ANKS1B: variants seen among roughly 807,000 people sequenced by gnomAD.
ANKS1B encodes the protein ankyrin repeat and sterile alpha motif domain containing 1B, also known as ankyrin repeat and sterile alpha motif domain-containing protein 1B.
In ANKS1B, 36 loss-of-function variants were observed where a neutral mutation model predicts 148.3. The ratio of observed to expected loss-of-function variants is 0.24; its 90% CI spans 0.19 to 0.32. The LOEUF (loss-of-function observed/expected upper bound fraction) is 0.32, where lower values mean the gene tolerates loss of function less well. ANKS1B is among the 10% of genes least tolerant of loss of function. The pLI is 1.00. For synonymous variants in ANKS1B, 542 were observed against 560.8 expected (o/e 0.97, Z 0.47); for missense variants, 1,157 against 1,542.6 (o/e 0.75, Z 4.19).
At chr12:98,902,114 A>G (rs1487273362) in intron 17 of ANKS1B, among the ~76,000 whole-genome samples, 1 of 151,506 alleles carries the variant, frequency 6.6e-6, no homozygotes, top group Non-Finnish European at 1.5e-5. Flanking sequence ...GCAGGCTTGG[A>G]ATCCAAGGGG....
intron 17 of ANKS1B, among the ~76,000 whole-genome samples, chr12:98,862,406 T>C (rs1479686020): frequency 3.3e-5 from 5 of 152,196 alleles, no homozygotes; most frequent in South Asian, 2.1e-4. Context: ...AGCTGATCTA[T>C]GCAAAGTACT....
At chr12:99,409,406 T>A (rs2094615485) in intron 11 of ANKS1B, among the ~76,000 whole-genome samples, 1 of 151,982 alleles carries the variant, frequency 6.6e-6, no homozygotes, top group Non-Finnish European at 1.5e-5. Flanking sequence ...GGCTCAAAAA[T>A]GTGGTTGGAA....
chr12:99,062,485 T>C (rs948588787), intron 16 of ANKS1B, among the ~76,000 whole-genome samples: 2 of 152,144 alleles, frequency 1.3e-5, no homozygotes, highest in African/African-American at 2.4e-5. Context: ...AAAGAAGGAA[T>C]GGTCAGGACA....
intron 9 of ANKS1B, among the ~76,000 whole-genome samples, chr12:99,555,015 C>A (rs1311323432): frequency 6.6e-6 from 1 of 152,042 alleles, no homozygotes; most frequent in Non-Finnish European, 1.5e-5. Context: ...TATGTTGCTG[C>A]AAAAGACATG....
chr12:99,559,238 G>T (rs1352506737), intron 9 of ANKS1B, among the ~76,000 whole-genome samples: 1 of 152,122 alleles, frequency 6.6e-6, no homozygotes, highest in Admixed American at 6.5e-5. Flanking sequence ...TTTTGGCTCA[G>T]ATCAGAAATT....
chr12:99,441,698 C>T (rs927415403), intron 11 of ANKS1B, among the ~76,000 whole-genome samples: 9 of 151,854 alleles, frequency 5.9e-5, no homozygotes, highest in African/African-American at 1.7e-4. Context: ...CTCCTTAAAG[C>T]ATTGTTATAA....
intron 17 of ANKS1B, among the ~76,000 whole-genome samples, chr12:99,004,535 C>T (rs2099934984): frequency 6.6e-6 from 1 of 151,986 alleles, no homozygotes; most frequent in Non-Finnish European, 1.5e-5. Flanking sequence ...GGCTTCAACC[C>T]AAGGCAACCC....
At chr12:98,969,175 T>C (rs1327920596) in intron 17 of ANKS1B, among the ~76,000 whole-genome samples, 1 of 152,178 alleles carries the variant, frequency 6.6e-6, no homozygotes, top group East Asian at 1.9e-4. Context: ...CTGACTTAGA[T>C]GGGAGTACAG....
chr12:99,498,848 A>T (rs2096629034), intron 10 of ANKS1B, among the ~76,000 whole-genome samples: 1 of 152,232 alleles, frequency 6.6e-6, no homozygotes, highest in Non-Finnish European at 1.5e-5. Context: ...CAAAGGGAAT[A>T]CATCAGTAAC....
At chr12:99,363,722 A>G (rs1446338750) in intron 12 of ANKS1B, among the ~76,000 whole-genome samples, 6 of 152,176 alleles carry the variant, frequency 3.9e-5, no homozygotes, top group Non-Finnish European at 5.9e-5. Context: ...TTTAATTCCA[A>G]TAGGATAATA....
chr12:99,618,978 TAGA>T (rs781363919), intron 9 of ANKS1B, among the ~76,000 whole-genome samples: 32 of 152,146 alleles, frequency 2.1e-4, no homozygotes, highest in African/African-American at 7.7e-4. Flanking sequence ...AACCCTGTGG[TAGA>T]AGGAGAGCTG....
intron 9 of ANKS1B, among the ~76,000 whole-genome samples, chr12:99,537,268 G>A (rs2097079728): frequency 6.6e-6 from 1 of 152,082 alleles, no homozygotes; most frequent in Admixed American, 6.6e-5. Flanking sequence ...TTTTCTTTGG[G>A]TATATATCCA....
chr12:98,910,743 A>C (rs2099785617), intron 17 of ANKS1B, among the ~76,000 whole-genome samples: 1 of 152,216 alleles, frequency 6.6e-6, no homozygotes, highest in African/African-American at 2.4e-5. Flanking sequence ...AATGAAGCCA[A>C]CACCATCCAA....
chr12:99,353,680 C>T (rs917741224), intron 12 of ANKS1B, among the ~76,000 whole-genome samples: 1 of 152,008 alleles, frequency 6.6e-6, no homozygotes, highest in South Asian at 2.1e-4. Context: ...AGGACCTTCA[C>T]ATTCCTTAAG....
chr12:99,540,501 A>G (rs2097114634), intron 9 of ANKS1B, among the ~76,000 whole-genome samples: 1 of 152,216 alleles, frequency 6.6e-6, no homozygotes, highest in South Asian at 2.1e-4. Flanking sequence ...AAATTAGAAA[A>G]CAATAAAAAT....
At chr12:99,833,263 C>T (rs756828451) in intron 1 of ANKS1B, among the ~76,000 whole-genome samples, 1 of 152,152 alleles carries the variant, frequency 6.6e-6, no homozygotes, top group Non-Finnish European at 1.5e-5. Context: ...CAACTTGGAA[C>T]TAAATGGCTT....
intron 15 of ANKS1B, among the ~76,000 whole-genome samples, chr12:99,135,893 C>A (rs933702056): frequency 1.4e-4 from 22 of 151,988 alleles, no homozygotes; most frequent in African/African-American, 4.6e-4. Flanking sequence ...CAGCTTCGGA[C>A]AGGAAGACTA....
intron 17 of ANKS1B, among the ~76,000 whole-genome samples, chr12:98,866,290 C>T (rs2099624316): frequency 6.6e-6 from 1 of 152,224 alleles, no homozygotes; most frequent in African/African-American, 2.4e-5. Context: ...CTGTCCATCT[C>T]ACTGCTACTA....
Position 99,605,441 on chromosome 12 carries a change from GT to G in ANKS1B, c.1272+49625del, listed in dbSNP as rs2099492724. 2.0e-5 allele frequency among the ~76,000 whole-genome samples: 3 copies of G among 151,958 alleles called. No homozygotes were observed. The South Asian group carries it at 6.3e-4, about 32-fold the overall frequency. On this transcript the variant is annotated intron_variant, in intron 9 of 26. Coordinates refer to ENST00000683438, the MANE Select transcript of ANKS1B (RefSeq NM_001352186.2). The stretch of plus-strand genomic sequence containing the variant: ...TACTGGAAATTATTCATCCTATCTA[GT>G]TGTAACTTTGAACCCACTGACCAAC...
Sources: gnomAD v4.1 joint callset for allele counts (sites outside exome capture counted in the v4.1 genomes callset) on GRCh38, gnomAD v4.1.1 for gene constraint, MANE v1.5 for transcripts, NCBI Gene and HGNC (gene_info 2026-07-23, HGNC 2026-07-21) for gene names.